The following MYO16 variants were observed in gnomAD, a reference collection of about 807,000 sequenced individuals.
The protein encoded by MYO16 is unconventional myosin-XVI.
A neutral mutation model predicts 205.3 loss-of-function variants in MYO16; 94 were observed. The ratio of observed to expected loss-of-function variants is 0.46; its 90% confidence interval spans 0.39 to 0.54. The LOEUF is 0.54. Ranked by LOEUF, MYO16 falls within the 20% of genes least tolerant of loss-of-function variation. The pLI is 0.00. For synonymous variants in MYO16, 988 were observed against 954.0 expected, an observed-to-expected ratio of 1.04 and a Z score of -0.66; for missense variants, 2,315 against 2,387.5, an observed-to-expected ratio of 0.97 and a Z score of 0.63.
chr13:109,060,169 A>C (rs1376589503), intron 27 of MYO16, among the ~76,000 whole-genome samples: 9 of 152,230 alleles, frequency 5.9e-5, no homozygotes, highest in African/African-American at 2.2e-4. Context: ...TCATGCTGCT[A>C]TAAAGACACA....
At chr13:109,181,348 G>A (rs1009318197) in intron 34 of MYO16, among the ~76,000 whole-genome samples, 1 of 152,248 alleles carries the variant, frequency 6.6e-6, no homozygotes, top group African/African-American at 2.4e-5. Flanking sequence ...AGCTGTAAGA[G>A]TTATGTGAAA....
rs192777934 is a variant in MYO16 at position 108,958,586 on chromosome 13, C to G, written c.2037+787C>G. On this transcript the variant is annotated intron_variant, in intron 17 of 34. Transcript: ENST00000457511. ...TGTACCACAGGGTAGTTTCCAGCCA[C>G]GTGTGGCTCCTGGATGCTTGAAGTG... Among the ~76,000 whole-genome samples the G allele has an allele frequency of 2.1e-3, 318 of 152,258 alleles. 2 individuals are homozygous for G. The highest frequency in any genetic ancestry group is 6.8e-3 in the African/African-American group (282 of 41,552).
intron 2 of MYO16, among the ~76,000 whole-genome samples, chr13:108,703,334 C>A (rs1003668551): frequency 6.6e-6 from 1 of 151,984 alleles, no homozygotes; most frequent in African/African-American, 2.4e-5. Context: ...AAAATAAGGA[C>A]ATTATATAGT....
chr13:109,095,017 G>A (rs557132779), intron 27 of MYO16, among the ~76,000 whole-genome samples: 1 of 152,280 alleles, frequency 6.6e-6, no homozygotes, highest in Non-Finnish European at 1.5e-5. Flanking sequence ...CCCCAGCACA[G>A]ACTTTGTGCT....
At position 109,054,994 on chromosome 13, in the gene MYO16, C is replaced by A. The variant is rs911481375; in HGVS notation, c.3049-52C>A. On this transcript the variant is annotated intron_variant, in intron 25 of 34. Coordinates refer to ENST00000457511, the MANE Select transcript of MYO16 (RefSeq NM_001198950.3). ...CCTCCTTTTCCTCCTTCTTCCTTTC[C>A]TTTCCTTTCCTTTCTTTTCTCCTGT... is the stretch of plus-strand genomic sequence containing the variant. 27 of 1,215,870 alleles carry A rather than the reference C, an allele frequency of 2.2e-5. No homozygotes were observed. In the Admixed American group the frequency reaches 3.6e-4, roughly 16 times the overall value. 75.3% of individuals were successfully genotyped at this position (1,215,870 alleles called of 1,614,324 possible). A position where few individuals can be genotyped will look rare whatever the true frequency, so the allele number is the denominator to read the frequency against.
At chr13:108,628,160 A>G (rs72664949), upstream of MYO16, among the ~76,000 whole-genome samples, 26,598 of 152,148 alleles carry the variant, frequency 0.17, 2,847 homozygotes, top group Non-Finnish European at 0.24. Flanking sequence ...TTCCTGGTAT[A>G]TAAAGGCTCT....
rs143802285 is a variant in MYO16 at position 108,617,513 on chromosome 13, G to A, written c.-39+21274G>A. Among the ~76,000 whole-genome samples, 306 of 152,270 alleles carry A rather than the reference G, an allele frequency of 2.0e-3. 1 individual carries two copies. The highest frequency in any genetic ancestry group is 7.0e-3 in the African/African-American group (289 of 41,558). ...TCCTCACTATAGCACTGAACAACCT[G>A]TTGTTGTAAATGCCTAAATAATGTC... On this transcript the variant is annotated intron_variant, in intron 1 of 24. Transcript: ENST00000251041.
At chr13:108,960,200 G>T (rs1209244879) in intron 17 of MYO16, among the ~76,000 whole-genome samples, 1 of 150,948 alleles carries the variant, frequency 6.6e-6, no homozygotes, top group Admixed American at 6.6e-5. Context: ...ACTTGAGCCC[G>T]GGAGGTCAAG....
At chr13:108,618,514 G>C (rs998822078) in intron 1 of MYO16, among the ~76,000 whole-genome samples, 14 of 152,162 alleles carry the variant, frequency 9.2e-5, no homozygotes, top group African/African-American at 3.4e-4. Context: ...TGGTATGAAG[G>C]AGCCATTGCC....
At chr13:108,560,268 C>A in the MYO16 span, among the ~76,000 whole-genome samples, 1 of 152,152 alleles carries the variant, frequency 6.6e-6, no homozygotes, top group East Asian at 1.9e-4. Context: ...AGCAGAGCTT[C>A]GCTGGCGTGT....
In MYO16 at chr13:109,070,034, G is replaced by A. The variant is rs74119813; in HGVS notation, c.3335+14439G>A. Among the ~76,000 whole-genome samples the A allele has an allele frequency of 3.7e-3, 568 of 152,254 alleles. 3 individuals carry two copies. The highest frequency in any genetic ancestry group is 0.013 in the African/African-American group (536 of 41,548). On this transcript the variant is annotated intron_variant, in intron 27 of 34. Coordinates refer to ENST00000457511, the MANE Select transcript of MYO16 (RefSeq NM_001198950.3). The stretch of plus-strand genomic sequence containing the variant: ...TCTCTAGTCTTCAGAGCAGTGTATT[G>A]CCAGCAGAATTATTCTAGAATCTAA...
chr13:108,599,396 A>G (rs2139296883), intron 1 of MYO16, among the ~76,000 whole-genome samples: 1 of 151,646 alleles, frequency 6.6e-6, no homozygotes, highest in East Asian at 2.0e-4. Context: ...TTCTAGTTCT[A>G]GATCCCTGAG....
chr13:108,902,491 A>G (rs1880757164), intron 15 of MYO16, among the ~76,000 whole-genome samples: 1 of 152,350 alleles, frequency 6.6e-6, no homozygotes. Context: ...TGCAGTAGCA[A>G]ATGAACACCA....
chr13:109,006,288 G>A (rs1009180516), intron 21 of MYO16, among the ~76,000 whole-genome samples: 3 of 152,134 alleles, frequency 2.0e-5, no homozygotes, highest in Non-Finnish European at 4.4e-5. Flanking sequence ...CACCCAGGCT[G>A]GAATGCAGTG....
chr13:108,996,647 GC>G (rs1250686662), intron 21 of MYO16, among the ~76,000 whole-genome samples: 1 of 152,134 alleles, frequency 6.6e-6, no homozygotes, highest in Non-Finnish European at 1.5e-5. Flanking sequence ...AGCAGAAGTG[GC>G]CATAGGTTGG....
intron 27 of MYO16, among the ~76,000 whole-genome samples, chr13:109,087,514 C>T (rs569475060): frequency 1.1e-3 from 161 of 152,126 alleles, no homozygotes; most frequent in African/African-American, 3.9e-3. Flanking sequence ...GGCGTAGTGG[C>T]GGGTGCCTGT....
At chr13:108,539,152 G>A in the MYO16 span, among the ~76,000 whole-genome samples, 2 of 152,078 alleles carry the variant, frequency 1.3e-5, no homozygotes, top group African/African-American at 4.8e-5. Context: ...TCCTGTACCT[G>A]AGTTAAGAGG....
At chr13:108,536,612 A>T in the MYO16 span, among the ~76,000 whole-genome samples, 1 of 152,136 alleles carries the variant, frequency 6.6e-6, no homozygotes, top group Non-Finnish European at 1.5e-5. Flanking sequence ...TCACTTAATA[A>T]TGAAACTCTC....
chr13:109,065,288 C>T (rs1167481693), intron 27 of MYO16, among the ~76,000 whole-genome samples: 1 of 152,132 alleles, frequency 6.6e-6, no homozygotes, highest in Non-Finnish European at 1.5e-5. Flanking sequence ...CAGATATGTT[C>T]AATGGGGAGC....
Sources: allele counts gnomAD v4.1 joint callset (sites outside exome capture counted in the v4.1 genomes callset), GRCh38; gene constraint gnomAD v4.1.1; transcripts MANE v1.5; gene names NCBI Gene and HGNC (gene_info 2026-07-23, HGNC 2026-07-21).